Variants in DUSP22 observed in about 807,000 individuals in gnomAD.
DUSP22 encodes the protein dual specificity protein phosphatase 22.
DUSP22 carries 24 observed loss-of-function variants against 24.5 expected under a neutral mutation model. That is an observed-to-expected ratio of 0.98 (90% confidence interval 0.71 to 1.38). The LOEUF (loss-of-function observed/expected upper bound fraction) is 1.38. Ranked by LOEUF, DUSP22 falls within the 40% of genes most tolerant of loss-of-function variation. DUSP22 has a pLI of 0.00. For missense variants in DUSP22, 330 were observed against 269.2 expected, an observed-to-expected ratio of 1.23 and a Z score of -1.58; for synonymous variants, 160 against 106.4, an observed-to-expected ratio of 1.50 and a Z score of -3.10.
At chr6:293,578 T>G (rs2127386164) in intron 1 of DUSP22, among the ~76,000 whole-genome samples, 1 of 152,408 alleles carries the variant, frequency 6.6e-6, no homozygotes, top group East Asian at 1.9e-4. Flanking sequence ...GGCTGTGTTT[T>G]TTTTCATGTC....
intron 3 of DUSP22, among the ~76,000 whole-genome samples, chr6:323,816 G>A (rs1397241894): frequency 6.6e-6 from 1 of 152,306 alleles, no homozygotes; most frequent in African/African-American, 2.4e-5. Context: ...CCTCGCCGGG[G>A]TAGAATAGGT....
At chr6:299,587 G>T (rs563127563) in intron 1 of DUSP22, among the ~76,000 whole-genome samples, 95 of 152,388 alleles carry the variant, frequency 6.2e-4, no homozygotes, top group African/African-American at 2.2e-3. Flanking sequence ...TCCATTTCCA[G>T]TCTTGAAACT....
chr6:315,637 G>T (rs1360550074), intron 3 of DUSP22, among the ~76,000 whole-genome samples: 2 of 152,312 alleles, frequency 1.3e-5, no homozygotes, highest in Non-Finnish European at 2.9e-5. Flanking sequence ...GCCATCACCA[G>T]CACAGAGCTT....
chr6:348,308 G>T (rs773117182), intron 6 of DUSP22, 34 bp downstream of exon 6: 2 of 1,611,838 alleles, frequency 1.2e-6, no homozygotes, highest in South Asian at 2.2e-5. Flanking sequence ...AGAGATGCAG[G>T]CAGGTGCCCC....
intron 4 of DUSP22, chr6:337,053 TCTG>T (rs1170307081): frequency 2.0e-5 from 3 of 152,494 alleles, no homozygotes; most frequent in African/African-American, 7.2e-5. Flanking sequence ...GCTCTGGACA[TCTG>T]CTGTCAGTGC....
At chr6:333,748 C>T (rs1012895297) in intron 3 of DUSP22, among the ~76,000 whole-genome samples, 8 of 152,302 alleles carry the variant, frequency 5.3e-5, no homozygotes, top group Non-Finnish European at 7.3e-5. Flanking sequence ...CCACCTGCCC[C>T]GCAAAGAGCA....
intron 5 of DUSP22, among the ~76,000 whole-genome samples, chr6:346,429 G>GACACAC (rs10642379): frequency 0.25 from 36,780 of 149,656 alleles, 546 homozygotes; most frequent in Non-Finnish European, 0.28. Flanking sequence ...ATTTTGTGTA[G>GACACAC]ACACACACAC....
chr6:318,220 C>T (rs1276455225), intron 3 of DUSP22, among the ~76,000 whole-genome samples: 2 of 152,308 alleles, frequency 1.3e-5, no homozygotes, highest in African/African-American at 4.8e-5. Flanking sequence ...TCATTAAAAG[C>T]TTGGCTCTAC....
At chr6:324,185 C>G (rs1327752270) in intron 3 of DUSP22, among the ~76,000 whole-genome samples, 2 of 152,420 alleles carry the variant, frequency 1.3e-5, no homozygotes, top group East Asian at 3.9e-4. Flanking sequence ...CTCTAGCCTC[C>G]TTGGTGGCCG....
chr6:318,614 C>T (rs1021023201), intron 3 of DUSP22, among the ~76,000 whole-genome samples: 3 of 152,312 alleles, frequency 2.0e-5, no homozygotes, highest in Non-Finnish European at 1.5e-5. Flanking sequence ...GGCCTCAGCT[C>T]TCAGGACCCC....
chr6:314,680 A>G (rs1056375623), intron 3 of DUSP22, among the ~76,000 whole-genome samples: 5 of 152,300 alleles, frequency 3.3e-5, no homozygotes, highest in African/African-American at 1.2e-4. Context: ...TGAGAGCCCT[A>G]TTGTGCAGAC....
At chr6:338,163 G>A (rs1759446983) in intron 4 of DUSP22, 1 of 152,362 alleles carries the variant, frequency 6.6e-6, no homozygotes, top group Non-Finnish European at 1.5e-5. Flanking sequence ...TAACCCATTA[G>A]TAACAGCAAA....
In DUSP22 at chr6:298,952, TGAGA is replaced by T. The variant is rs1321227030; in HGVS notation, c.22-5668_22-5665del. 6.6e-5 allele frequency among the ~76,000 whole-genome samples: 10 copies of T among 152,414 alleles called. No individual in the cohort carries two copies. In the Middle Eastern group the frequency reaches 0.02, roughly 311 times the overall value. On this transcript the variant is annotated intron_variant, in intron 1 of 6. Coordinates refer to ENST00000419235, the MANE Select transcript of DUSP22 (RefSeq NM_001286555.3). Reference sequence around the variant, plus strand: ...GTGAAGAAAATAAAACAAGGCGATATGAGAGAGAGAGTGCCAGGGAGTTTGGTGG... The same window carrying T: ...GTGAAGAAAATAAAACAAGGCGATATGAGAGAGTGCCAGGGAGTTTGGTGG...
In DUSP22 at chr6:350,888, A is replaced by G; in HGVS notation, c.*1937A>G. 1.2e-6 allele frequency: 2 copies of G among 1,614,172 alleles called. No individual in the cohort carries two copies. Among genetic ancestry groups the G allele is most frequent in the African/African-American group, 1.3e-5 (1 of 75,086 alleles). On this transcript the variant is annotated 3_prime_UTR_variant, in exon 7 of 7. Coordinates refer to ENST00000419235, the MANE Select transcript of DUSP22 (RefSeq NM_001286555.3). ...CTGTAATGTACCTGAAGTTTCTGAA[A>G]TATTGCAAACCCACAGAGTTTAGGC...
intron 3 of DUSP22, among the ~76,000 whole-genome samples, chr6:319,138 A>T (rs68089851): frequency 0.14 from 4,204 of 29,476 alleles, 4 homozygotes; most frequent in Middle Eastern, 0.32. Flanking sequence ...TCCTCTATTT[A>T]AAAAAAAAAA....
rs1278872296 is a variant in DUSP22, at chr6:304,343, G to A, written c.22-285G>A. 4.6e-5 allele frequency among the ~76,000 whole-genome samples: 7 copies of A among 152,424 alleles called. No homozygotes were observed. In the East Asian group the frequency reaches 7.7e-4, roughly 17 times the overall value. The stretch of plus-strand genomic sequence containing the variant: ...GCTGTGGGGCCAGGGTGGGCAGGCG[G>A]GGCAGGGGACTTGGACCCTCAGAAT... On this transcript the variant is annotated intron_variant, in intron 1 of 6. Transcript: ENST00000419235.
At chr6:333,581 T>C (rs1215661657) in intron 3 of DUSP22, among the ~76,000 whole-genome samples, 1 of 152,304 alleles carries the variant, frequency 6.6e-6, no homozygotes, top group Non-Finnish European at 1.5e-5. Flanking sequence ...TCTGACTCAG[T>C]TTCAGCAGGA....
At chr6:332,078 T>G (rs1378976675) in intron 3 of DUSP22, among the ~76,000 whole-genome samples, 4 of 152,308 alleles carry the variant, frequency 2.6e-5, no homozygotes, top group Admixed American at 2.6e-4. Context: ...AGTGTGATCT[T>G]TGTGTTCATT....
chr6:307,895 G>C (rs1757884990), intron 2 of DUSP22, among the ~76,000 whole-genome samples: 1 of 152,306 alleles, frequency 6.6e-6, no homozygotes, highest in Non-Finnish European at 1.5e-5. Flanking sequence ...GTAGTCTGCT[G>C]TCAGCTTACT....
Sources: gnomAD v4.1 joint callset for allele counts (sites outside exome capture counted in the v4.1 genomes callset) on GRCh38, gnomAD v4.1.1 for gene constraint, MANE v1.5 for transcripts, NCBI Gene and HGNC (gene_info 2026-07-23, HGNC 2026-07-21) for gene names.